FDXR: variants seen among roughly 807,000 people sequenced by gnomAD.
FDXR encodes the protein ferredoxin reductase.
In FDXR, 38 loss-of-function variants were observed where a neutral mutation model predicts 58.3. The ratio of observed to expected loss-of-function variants is 0.65; its 90% CI spans 0.50 to 0.85. FDXR has a LOEUF of 0.85. Among genes scored for constraint, FDXR ranks in the 40% least tolerant of loss-of-function variants. FDXR has a pLI of 0.00. For synonymous variants in FDXR, 275 were observed against 273.8 expected (o/e 1.00, Z -0.04); for missense variants, 624 against 671.0 (o/e 0.93, Z 0.77).
Position 74,866,194 on chromosome 17 carries a change from C to T in FDXR, c.444G>A (p.Leu148=), listed in dbSNP as rs772395253. The T allele has an allele frequency of 1.9e-6, 3 of 1,613,950 alleles. No homozygotes were observed. Among genetic ancestry groups the T allele is most frequent in the Non-Finnish European group, 2.5e-6 (3 of 1,180,018 alleles). The change falls in exon 5 of 12, where the codon CTG becomes CTA. Residue 148 remains leucine (L), a synonymous_variant. Transcript: ENST00000293195. ...AGGCCCGGGCGGAGCACACACCTGGCAGCTCCTCACCAGGAATTTCCAGGG... is the reference window on the plus strand; with the variant it reads ...AGGCCCGGGCGGAGCACACACCTGGTAGCTCCTCACCAGGAATTTCCAGGG... ...HRALEIPGEE[L]PGVCSARAFV...
At chr17:74,866,950 C>A in intron 2 of FDXR, 74 bp from the exon 3 acceptor site, 1 of 1,566,810 alleles carries the variant, frequency 6.4e-7, no homozygotes, top group Non-Finnish European at 8.7e-7. Context: ...CTCCCCTTCC[C>A]CAGACAGAGC....
chr17:74,863,893 C>A lies in FDXR; in HGVS notation c.1174+3G>T. On this transcript the variant is annotated splice_donor_region_variant and intron_variant, in intron 10 of 11. Transcript: ENST00000293195. The stretch of plus-strand genomic sequence containing the variant: ...AGCACCCAGCCTCCTCACACCCTCT[C>A]ACCTGGCACATCCATAACCCGGCCC... 2 of 1,610,486 alleles carry A rather than the reference C, an allele frequency of 1.2e-6. No individual in the cohort carries two copies. The highest frequency in any genetic ancestry group is 1.7e-6 in the Non-Finnish European group (2 of 1,177,570).
intron 1 of FDXR, 116 bp downstream of exon 1, chr17:74,872,750 G>T: frequency 6.5e-7 from 1 of 1,531,330 alleles, no homozygotes; most frequent in South Asian, 1.2e-5. Context: ...CCAGCAGGAA[G>T]ACACCCCTTC....
chr17:74,868,233 G>T (rs2038260317), intron 2 of FDXR: 1 of 498,776 alleles, frequency 2.0e-6, no homozygotes, highest in Non-Finnish European at 3.6e-6. Flanking sequence ...TACCCACAAA[G>T]CGCTCTGGGC....
At chr17:74,868,214 A>C in intron 2 of FDXR, 1 of 403,578 alleles carries the variant, frequency 2.5e-6, no homozygotes, top group Non-Finnish European at 4.5e-6. Flanking sequence ...CTCAAGCCCC[A>C]CGATGTTGTA....
rs372108451 is a variant in FDXR, at chr17:74,872,967, G to A, written c.-23C>T. On this transcript the variant is annotated 5_prime_UTR_variant, in exon 1 of 12. Coordinates refer to ENST00000293195, the MANE Select transcript of FDXR (RefSeq NM_024417.5). ...CATGGCTGGGAGCAGCAACCTGCAA[G>A]TGGATCTGTTCCTAGCTACTGCTCC... 7 of 1,547,346 alleles carry A rather than the reference G, an allele frequency of 4.5e-6. No individual in the cohort carries two copies. The African/African-American group carries it at 8.2e-5, about 18-fold the overall frequency.
At chr17:74,870,101 C>T (rs1333646150) in intron 2 of FDXR, 2 of 382,558 alleles carry the variant, frequency 5.2e-6, no homozygotes, top group Non-Finnish European at 1.1e-5. Flanking sequence ...GCTTGGAGCT[C>T]CCTGTGGGCA....
At position 74,865,839 on chromosome 17, in the gene FDXR, G is replaced by C; in HGVS notation, c.508-19C>G. 2 of 1,592,904 alleles carry C rather than the reference G, an allele frequency of 1.3e-6. No individual in the cohort carries two copies. Among genetic ancestry groups the C allele is most frequent in the Non-Finnish European group, 8.6e-7 (1 of 1,163,476 alleles). ...GCTCCAGCTGGAGGGGAAAGGTCTT[G>C]ATAGGGTCCCCCAGCCTCGCTCCAC... On this transcript the variant is annotated intron_variant, in intron 5 of 11. Transcript: ENST00000293195.
Position 74,863,989 on chromosome 17 carries a change from C to T in FDXR, c.1081G>A (p.Gly361Arg). 1 of 1,614,078 alleles carries T rather than the reference C, an allele frequency of 6.2e-7. No homozygotes were observed. Among genetic ancestry groups the T allele is most frequent in the Non-Finnish European group, 8.5e-7 (1 of 1,180,026 alleles). ...LPCGLVLSSI[G>R]YKSRPVDPSV... ...GGGTCGACAGGGCGGCTCTTATACC[C>T]AATGCTGCTGAGCACCAGCCCACAA... The change falls in exon 10 of 12, where the codon GGG becomes AGG. Residue 361 changes from glycine to arginine, a missense_variant. Transcript: ENST00000293195.
rs2038163224 is a variant in FDXR, at chr17:74,865,919, G to A, written c.508-99C>T. 5 of 1,019,228 alleles carry A rather than the reference G, an allele frequency of 4.9e-6. No homozygotes were observed. The East Asian group carries it at 1.3e-4, about 26-fold the overall frequency. The allele number at this position is 1,019,228 out of a possible 1,614,324, so 63.1% of individuals were successfully genotyped here. A position where few individuals can be genotyped will look rare whatever the true frequency, so the allele number is the denominator to read the frequency against. On this transcript the variant is annotated intron_variant, in intron 5 of 11. Coordinates refer to ENST00000293195, the MANE Select transcript of FDXR (RefSeq NM_024417.5). Reference sequence around the variant, plus strand: ...TGCCTGGTCCCCACTGTGCCCTGGGGCTTCCCCACACCGGGAAAGTCCACA... The same window carrying A: ...TGCCTGGTCCCCACTGTGCCCTGGGACTTCCCCACACCGGGAAAGTCCACA...
At chr17:74,865,851 C>A in intron 5 of FDXR, 31 bp from the exon 6 acceptor site, 1 of 1,541,772 alleles carries the variant, frequency 6.5e-7, no homozygotes, top group East Asian at 2.3e-5. Context: ...TAGGGTCCCC[C>A]AGCCTCGCTC....
At chr17:74,865,950 G>A (rs1386463479) in intron 5 of FDXR, 130 bp from the exon 6 acceptor site, 2 of 880,322 alleles carry the variant, frequency 2.3e-6, no homozygotes, top group East Asian at 2.6e-5. Flanking sequence ...CCACAACTCT[G>A]GTCCCTCCTC....
chr17:74,868,863 T>C (rs1366990836), intron 2 of FDXR: 1 of 904,918 alleles, frequency 1.1e-6, no homozygotes, highest in East Asian at 2.8e-5. Context: ...CTCTCTCTCC[T>C]GCCCAGACAT....
intron 2 of FDXR, 139 bp from the exon 3 acceptor site, chr17:74,867,015 A>G: frequency 2.7e-6 from 4 of 1,480,110 alleles, no homozygotes; most frequent in Non-Finnish European, 3.6e-6. Flanking sequence ...TCTGCAAGGA[A>G]AAAGAGCACT....
chr17:74,871,094 G>C (rs1402348840), intron 2 of FDXR, among the ~76,000 whole-genome samples: 1 of 152,070 alleles, frequency 6.6e-6, no homozygotes, highest in Non-Finnish European at 1.5e-5. Context: ...TGAGCCACCT[G>C]GGCTTCCGGC....
At chr17:74,866,009 C>T (rs1306383219) in intron 5 of FDXR, 122 bp downstream of exon 5, 10 of 910,386 alleles carry the variant, frequency 1.1e-5, no homozygotes, top group Middle Eastern at 3.1e-4. Flanking sequence ...GCTGGCCTCC[C>T]GCCTCAGTCA....
At chr17:74,872,836 C>T in intron 1 of FDXR, 30 bp downstream of exon 1, 1 of 1,544,548 alleles carries the variant, frequency 6.5e-7, no homozygotes, top group Non-Finnish European at 8.7e-7. Flanking sequence ...CCCGCGCTCC[C>T]ATCCAGCCCC....
At chr17:74,863,278 G>A in intron 10 of FDXR, 32 bp from the exon 11 acceptor site, 4 of 1,594,148 alleles carry the variant, frequency 2.5e-6, no homozygotes, top group Non-Finnish European at 3.4e-6. Flanking sequence ...GGAAGGGAGG[G>A]AGGTGGCTGG....
chr17:74,865,839 G>A lies in FDXR; in HGVS notation c.508-19C>T, dbSNP rs77667525. On this transcript the variant is annotated intron_variant, in intron 5 of 11. Transcript: ENST00000293195. ...GCTCCAGCTGGAGGGGAAAGGTCTTGATAGGGTCCCCCAGCCTCGCTCCAC... is the reference window on the plus strand; with the variant it reads ...GCTCCAGCTGGAGGGGAAAGGTCTTAATAGGGTCCCCCAGCCTCGCTCCAC... 32 of 1,592,904 alleles carry A rather than the reference G, an allele frequency of 2.0e-5. No homozygotes were observed. The East Asian group carries it at 6.5e-4, about 32-fold the overall frequency.
Sources: gnomAD v4.1 joint callset for allele counts (sites outside exome capture counted in the v4.1 genomes callset) on GRCh38, gnomAD v4.1.1 for gene constraint, MANE v1.5 for transcripts, NCBI Gene and HGNC (gene_info 2026-07-23, HGNC 2026-07-21) for gene names.